Variants in FHAD1 observed in about 807,000 individuals in gnomAD.
FHAD1 encodes the protein forkhead-associated domain-containing protein 1.
Under a neutral mutation model 191.3 loss-of-function variants are expected in FHAD1, and 146 were observed. The ratio of observed to expected loss-of-function variants is 0.76; its 90% CI spans 0.67 to 0.88. The LOEUF is 0.88. Ranked by LOEUF, FHAD1 falls within the 40% of genes least tolerant of loss-of-function variation. FHAD1 has a pLI of 0.00. For missense variants in FHAD1, 1,635 were observed against 1,785.8 expected (o/e 0.92, Z 1.52); for synonymous variants, 616 against 672.3 (o/e 0.92, Z 1.29).
At position 15,318,008 on chromosome 1, in the gene FHAD1, A is replaced by C. The variant is rs1675037511; in HGVS notation, c.1365+80A>C. 2.2e-6 allele frequency: 2 copies of C among 906,540 alleles called. No homozygotes were observed. The highest frequency in any genetic ancestry group is 3.5e-6 in the Non-Finnish European group (2 of 572,466). The allele number at this position is 906,540 out of a possible 1,614,324, so 56.2% of individuals were successfully genotyped here. A position where few individuals can be genotyped will look rare whatever the true frequency, so the allele number is the denominator to read the frequency against. On this transcript the variant is annotated intron_variant, in intron 10 of 33. Coordinates refer to ENST00000688493, the MANE Select transcript of FHAD1 (RefSeq NM_001391957.1). This position sits in a 1 kb window ranked among gnomAD's most constrained non-coding sequence, Gnocchi z 4.1. Reference sequence around the variant, plus strand: ...TCATCCCTGTTAGTCCTCTAAGTGGACTATGCTGGTATTAACCCTTCTTAC... The same window carrying C: ...TCATCCCTGTTAGTCCTCTAAGTGGCCTATGCTGGTATTAACCCTTCTTAC...
chr1:15,278,583 C>T (rs752134028), intron 3 of FHAD1, among the ~76,000 whole-genome samples: 2 of 149,298 alleles, frequency 1.3e-5, no homozygotes, highest in Non-Finnish European at 1.5e-5. Flanking sequence ...AAGCAATTCT[C>T]ATGCCTCAGC....
intron 1 of FHAD1, among the ~76,000 whole-genome samples, chr1:15,248,557 C>T (rs1450028243): frequency 6.6e-6 from 1 of 151,796 alleles, no homozygotes; most frequent in Non-Finnish European, 1.5e-5. Context: ...AGTGCCCAAC[C>T]TTTGCCCTGG....
chr1:15,289,860 A>G lies in FHAD1; in HGVS notation c.568+194A>G, dbSNP rs780741197. Among the ~76,000 whole-genome samples, 41 of 152,200 alleles carry G rather than the reference A, an allele frequency of 2.7e-4. No individual in the cohort carries two copies. The highest frequency in any genetic ancestry group is 5.3e-4 in the Non-Finnish European group (36 of 68,030). ...TAATCCTTATCCCCAGGGTCTCCCTATTGACTCTCTGCTGCGTATCCCTCC... is the reference window on the plus strand; with the variant it reads ...TAATCCTTATCCCCAGGGTCTCCCTGTTGACTCTCTGCTGCGTATCCCTCC... On this transcript the variant is annotated intron_variant, in intron 4 of 33. Transcript: ENST00000688493. This position sits in a 1 kb window ranked among gnomAD's most constrained non-coding sequence, Gnocchi z 4.2.
chr1:15,351,613 C>T (rs1339456104), intron 19 of FHAD1, among the ~76,000 whole-genome samples: 1 of 152,164 alleles, frequency 6.6e-6, no homozygotes, highest in Non-Finnish European at 1.5e-5. Flanking sequence ...CTAATACATT[C>T]TGTGCACAGG....
At chr1:15,365,543 G>A (rs939922084) in intron 23 of FHAD1, among the ~76,000 whole-genome samples, 10 of 141,694 alleles carry the variant, frequency 7.1e-5, no homozygotes, top group Admixed American at 2.9e-4. Context: ...GGCTGGTCTC[G>A]AACTCCTGAG....
intron 15 of FHAD1, among the ~76,000 whole-genome samples, chr1:15,340,027 T>A (rs1167664102): frequency 6.6e-6 from 1 of 152,160 alleles, no homozygotes; most frequent in Non-Finnish European, 1.5e-5. Context: ...GGTTTCATTA[T>A]GTTGGCCAGG....
intron 20 of FHAD1, among the ~76,000 whole-genome samples, chr1:15,353,550 CA>C (rs1691596182): frequency 6.6e-6 from 1 of 151,524 alleles, no homozygotes; most frequent in South Asian, 2.1e-4. Flanking sequence ...ACTAAAAACG[CA>C]AAAATTAGCT....
At position 15,312,939 on chromosome 1, in the gene FHAD1, G is replaced by T. The variant is rs534469623; in HGVS notation, c.1040-118G>T. The T allele has an allele frequency of 1.8e-5, 23 of 1,287,838 alleles. No homozygotes were observed. The South Asian group carries it at 3.1e-4, about 17-fold the overall frequency. 79.8% of individuals were successfully genotyped at this position (1,287,838 alleles called of 1,614,324 possible). A position where few individuals can be genotyped will look rare whatever the true frequency, so the allele number is the denominator to read the frequency against. On this transcript the variant is annotated intron_variant, in intron 7 of 33. Coordinates refer to ENST00000688493, the MANE Select transcript of FHAD1 (RefSeq NM_001391957.1). This position sits in a 1 kb window ranked among gnomAD's most constrained non-coding sequence, Gnocchi z 4.7. ...GGTCTCAACCCCATTCAAGCTCCTGGGATCCTTGGAGACACCTCCCTTCTC... is the reference window on the plus strand; with the variant it reads ...GGTCTCAACCCCATTCAAGCTCCTGTGATCCTTGGAGACACCTCCCTTCTC...
At chr1:15,304,235 G>A (rs560470309) in intron 6 of FHAD1, among the ~76,000 whole-genome samples, 2 of 152,348 alleles carry the variant, frequency 1.3e-5, no homozygotes, top group East Asian at 3.9e-4. Context: ...AGCTGAATTA[G>A]TATCTTAAAG....
intron 4 of FHAD1, among the ~76,000 whole-genome samples, chr1:15,290,558 C>T (rs10803377): frequency 0.19 from 29,044 of 152,064 alleles, 4,017 homozygotes; most frequent in African/African-American, 0.38. Context: ...CTGTGACATA[C>T]GCAAGCTGAA....
chr1:15,249,762 C>T (rs1646542061), intron 1 of FHAD1, among the ~76,000 whole-genome samples: 2 of 152,058 alleles, frequency 1.3e-5, no homozygotes, highest in East Asian at 1.9e-4. Flanking sequence ...CAAGTGACAA[C>T]CTCTCCCTCC....
rs1254479947 is a variant in FHAD1, at chr1:15,276,007, T to G, written c.300+3478T>G. ...AGCCATTTCAATAGGAAATGGGAGG[T>G]GGAGGCAGAAGTTAGAGACCCAAAT... On this transcript the variant is annotated intron_variant, in intron 3 of 33. Coordinates refer to ENST00000688493, the MANE Select transcript of FHAD1 (RefSeq NM_001391957.1). The surrounding 1 kb of genome is among the most constrained non-coding windows in gnomAD (Gnocchi z 4.7). Among the ~76,000 whole-genome samples, 2 of 151,606 alleles carry G rather than the reference T, an allele frequency of 1.3e-5. No homozygotes were observed. Among genetic ancestry groups the G allele is most frequent in the African/African-American group, 2.4e-5 (1 of 41,190 alleles).
intron 21 of FHAD1, 76 bp from the exon 22 acceptor site, chr1:15,360,402 T>C: frequency 7.6e-7 from 1 of 1,317,060 alleles, no homozygotes; most frequent in Non-Finnish European, 1.1e-6. Context: ...CACCTATGTG[T>C]GTGCCCAGGG....
rs1042394114 is a variant in FHAD1, at chr1:15,367,443, G to A, written c.3155-20G>A. 9.0e-6 allele frequency: 14 copies of A among 1,547,878 alleles called. No individual in the cohort carries two copies. The highest frequency in any genetic ancestry group is 5.9e-5 in the Admixed American group (3 of 50,824). On this transcript the variant is annotated intron_variant, in intron 24 of 33. Coordinates refer to ENST00000688493, the MANE Select transcript of FHAD1 (RefSeq NM_001391957.1). The stretch of plus-strand genomic sequence containing the variant: ...CCCGGGAGGCAGAGACCCCCTTACC[G>A]GCCCTCCTGTCACTCGCAGGGGAGC...
rs1163452841 is a variant in FHAD1 at position 15,341,928 on chromosome 1, G to T, written c.2130+40G>T. 4 of 1,529,244 alleles carry T rather than the reference G, an allele frequency of 2.6e-6. No individual in the cohort carries two copies. The African/African-American group carries it at 5.5e-5, about 21-fold the overall frequency. 94.7% of individuals were successfully genotyped at this position (1,529,244 alleles called of 1,614,324 possible). On this transcript the variant is annotated intron_variant, in intron 16 of 33. Coordinates refer to ENST00000688493, the MANE Select transcript of FHAD1 (RefSeq NM_001391957.1). ...GCCATTTGCTTTACTACTGGAAACT[G>T]ATGAAATGGCCTTTTCTATGGGAAA...
At chr1:15,388,501 C>A in intron 32 of FHAD1, 2 of 608,134 alleles carry the variant, frequency 3.3e-6, no homozygotes, top group Non-Finnish European at 2.2e-6. Flanking sequence ...AACTTGGGGA[C>A]TTGGAGGCAA....
intron 3 of FHAD1, among the ~76,000 whole-genome samples, chr1:15,280,395 C>T (rs1213565735): frequency 6.6e-6 from 1 of 152,130 alleles, no homozygotes; most frequent in Non-Finnish European, 1.5e-5. Flanking sequence ...TTTTCCAAAG[C>T]CCATGAAGTG....
intron 19 of FHAD1, 60 bp from the exon 20 acceptor site, chr1:15,352,817 T>C (rs1691344981): frequency 7.7e-7 from 1 of 1,299,916 alleles, no homozygotes. Context: ...CTGGTTTCCC[T>C]TTCCAGTGTC....
At chr1:15,280,925 A>T (rs1660387141) in intron 3 of FHAD1, among the ~76,000 whole-genome samples, 1 of 152,248 alleles carries the variant, frequency 6.6e-6, no homozygotes, top group Non-Finnish European at 1.5e-5. Flanking sequence ...CACCTGGCCA[A>T]AATCCAGATA....
Sources: allele counts gnomAD v4.1 joint callset (sites outside exome capture counted in the v4.1 genomes callset), GRCh38; gene constraint gnomAD v4.1.1; non-coding constraint Gnocchi (gnomAD v3.1); transcripts MANE v1.5; gene names NCBI Gene and HGNC (gene_info 2026-07-23, HGNC 2026-07-21).